TM7SF3: variants seen among roughly 807,000 people sequenced by gnomAD.
The protein encoded by TM7SF3 is transmembrane 7 superfamily member 3.
In TM7SF3, 60 loss-of-function variants were observed where a neutral mutation model predicts 65.5. The observed-to-expected ratio is 0.92, with a 90% CI of 0.74 to 1.14. The LOEUF (loss-of-function observed/expected upper bound fraction) is 1.14, where lower values mean the gene tolerates loss of function less well. TM7SF3 is among the 50% of genes most tolerant of loss of function. The pLI is 0.00. For synonymous variants in TM7SF3, 264 were observed against 259.6 expected, an observed-to-expected ratio of 1.02 and a Z score of -0.16; for missense variants, 623 against 684.8, an observed-to-expected ratio of 0.91 and a Z score of 1.01.
At chr12:27,007,171 C>T (rs1038817145) in intron 1 of TM7SF3, among the ~76,000 whole-genome samples, 31 of 152,120 alleles carry the variant, frequency 2.0e-4, no homozygotes, top group African/African-American at 7.5e-4. Context: ...AGAAATATAC[C>T]TGAATTTCAG....
At chr12:26,974,890 T>C (rs1333660079) in intron 11 of TM7SF3, among the ~76,000 whole-genome samples, 1 of 152,236 alleles carries the variant, frequency 6.6e-6, no homozygotes, top group Non-Finnish European at 1.5e-5. Flanking sequence ...ACAATTGTGC[T>C]TATGCAATAT....
chr12:26,997,887 G>A (rs985675923), intron 3 of TM7SF3, among the ~76,000 whole-genome samples: 2 of 145,662 alleles, frequency 1.4e-5, no homozygotes, highest in Non-Finnish European at 3.0e-5. Flanking sequence ...GTGAAGTGGC[G>A]CAATCTCAGC....
chr12:26,975,755 C>T lies in TM7SF3; in HGVS notation c.1288-97G>A. The T allele has an allele frequency of 2.2e-6, 3 of 1,333,902 alleles. No homozygotes were observed. In the Admixed American group the frequency reaches 7.2e-5, roughly 32 times the overall value. The allele number at this position is 1,333,902 out of a possible 1,614,324, so 82.6% of individuals were successfully genotyped here. On this transcript the variant is annotated intron_variant, in intron 10 of 11. Coordinates refer to ENST00000343028, the MANE Select transcript of TM7SF3 (RefSeq NM_016551.3). Reference sequence around the variant, plus strand: ...TCAATCACAGGCAATCACATCTGCTCCCTCAGGCATGAAAAAGGACCAGAC... The same window carrying T: ...TCAATCACAGGCAATCACATCTGCTTCCTCAGGCATGAAAAAGGACCAGAC...
At chr12:26,987,358 G>A (rs1046567679) in intron 6 of TM7SF3, among the ~76,000 whole-genome samples, 2 of 152,104 alleles carry the variant, frequency 1.3e-5, no homozygotes, top group Non-Finnish European at 2.9e-5. Context: ...CTCAGCGAAT[G>A]GTCGCTCTCT....
intron 6 of TM7SF3, among the ~76,000 whole-genome samples, chr12:26,984,125 GC>G (rs1565870815): frequency 2.0e-5 from 3 of 152,082 alleles, no homozygotes; most frequent in African/African-American, 7.2e-5. Flanking sequence ...AGAATAAGGA[GC>G]CCATAAGAAA....
chr12:26,981,150 C>T (rs924930227), intron 7 of TM7SF3, among the ~76,000 whole-genome samples: 1 of 152,104 alleles, frequency 6.6e-6, no homozygotes, highest in Non-Finnish European at 1.5e-5. Flanking sequence ...CAATCATTAC[C>T]TTCATCCATT....
At chr12:26,977,877 A>G in intron 9 of TM7SF3, 1 of 277,270 alleles carries the variant, frequency 3.6e-6, no homozygotes, top group Non-Finnish European at 7.2e-6. Flanking sequence ...CCGAGGTGGG[A>G]GGACTGCCTG....
chr12:26,995,601 C>A (rs370896168), intron 4 of TM7SF3, among the ~76,000 whole-genome samples, 193 bp from the exon 5 acceptor site: 36 of 152,300 alleles, frequency 2.4e-4, no homozygotes, highest in African/African-American at 8.7e-4. Flanking sequence ...TGTGTCTCCC[C>A]AAAATTAATA....
chr12:26,979,648 T>A lies in TM7SF3; in HGVS notation c.1189+136A>T, dbSNP rs558156642. On this transcript the variant is annotated intron_variant, in intron 9 of 11. Transcript: ENST00000343028. ...CTAGTCCTGGTGCTGTCTGAAAGTG[T>A]CACACCATCAATGCAGATTTCCAGA... 1.1e-5 allele frequency: 10 copies of A among 935,516 alleles called. No homozygotes were observed. In the African/African-American group the frequency reaches 1.7e-4, roughly 15 times the overall value. 58.0% of individuals were successfully genotyped at this position (935,516 alleles called of 1,614,324 possible).
Position 26,975,814 on chromosome 12 carries a change from A to G in TM7SF3, c.1288-156T>C, listed in dbSNP as rs533899654. ...AGCTGAACAGAAGTTCCCTGGAAAG[A>G]TAAACTGAAAACAACCTTCAACATC... On this transcript the variant is annotated intron_variant, in intron 10 of 11. Transcript: ENST00000343028. 338 of 722,872 alleles carry G rather than the reference A, an allele frequency of 4.7e-4. 4 individuals carry two copies. In the African/African-American group the frequency reaches 4.8e-3, roughly 10 times the overall value. 44.8% of individuals were successfully genotyped at this position (722,872 alleles called of 1,614,324 possible). A position where few individuals can be genotyped will look rare whatever the true frequency, so the allele number is the denominator to read the frequency against.
rs571338158 is a variant in TM7SF3 at position 26,994,437 on chromosome 12, C to T, written c.690+800G>A. ...TCTGGGCTCATTGCAACCTCCACCT[C>T]CTGGGTTCAAACAATTCTCCTGCCT... On this transcript the variant is annotated intron_variant, in intron 5 of 11. Coordinates refer to ENST00000343028, the MANE Select transcript of TM7SF3 (RefSeq NM_016551.3). Among the ~76,000 whole-genome samples the T allele has an allele frequency of 2.0e-5, 3 of 152,318 alleles. No individual in the cohort carries two copies. In the South Asian group the frequency reaches 6.2e-4, roughly 32 times the overall value.
At chr12:26,986,917 CTG>C (rs1416146604) in intron 6 of TM7SF3, among the ~76,000 whole-genome samples, 2 of 152,246 alleles carry the variant, frequency 1.3e-5, no homozygotes, top group East Asian at 3.8e-4. Context: ...CCATGCAATA[CTG>C]TCTCCCCTTG....
At position 26,980,575 on chromosome 12, in the gene TM7SF3, T is replaced by C; in HGVS notation, c.1027A>G (p.Lys343Glu). Reference protein sequence around the residue: ...YILITRLTPIKYDVNLILTAV... With the variant: ...YILITRLTPIEYDVNLILTAV... ...TATAATTTTCACTTACCATCATACTTGATAGGTGTCAGTCTTGTAATCAGT... is the reference window on the plus strand; with the variant it reads ...TATAATTTTCACTTACCATCATACTCGATAGGTGTCAGTCTTGTAATCAGT... Residue 343 changes from lysine to glutamate, a missense_variant, in exon 8 of 12, where the codon AAG becomes GAG. By Grantham distance (56) the Lys-to-Glu change is moderately conservative. Transcript: ENST00000343028. 6.7e-7 allele frequency: 1 copy of C among 1,493,360 alleles called. No individual in the cohort carries two copies. Among genetic ancestry groups the C allele is most frequent in the Non-Finnish European group, 9.3e-7 (1 of 1,074,570 alleles). The allele number at this position is 1,493,360 out of a possible 1,614,324, so 92.5% of individuals were successfully genotyped here. A position where few individuals can be genotyped will look rare whatever the true frequency, so the allele number is the denominator to read the frequency against.
At position 26,980,554 on chromosome 12, in the gene TM7SF3, A is replaced by G. The variant is rs1432427797; in HGVS notation, c.1036+12T>C. 3.0e-6 allele frequency: 4 copies of G among 1,343,854 alleles called. No individual in the cohort carries two copies. The highest frequency in any genetic ancestry group is 3.5e-5 in the Admixed American group (2 of 56,548). The allele number at this position is 1,343,854 out of a possible 1,614,324, so 83.2% of individuals were successfully genotyped here. On this transcript the variant is annotated intron_variant, in intron 8 of 11. Coordinates refer to ENST00000343028, the MANE Select transcript of TM7SF3 (RefSeq NM_016551.3). ...CTTGAATACCCAGTTAAACTATATA[A>G]TTTTCACTTACCATCATACTTGATA...
rs1939451312 is a variant in TM7SF3 at position 26,973,749 on chromosome 12, C to A, written c.*216G>T. The stretch of plus-strand genomic sequence containing the variant: ...TCAAGTATTTGGAAATAAGAAAAAG[C>A]CTCCCTACCACCAACCTTTTGGTCA... On this transcript the variant is annotated 3_prime_UTR_variant, in exon 12 of 12. Coordinates refer to ENST00000343028, the MANE Select transcript of TM7SF3 (RefSeq NM_016551.3). 2.1e-6 allele frequency: 1 copy of A among 481,242 alleles called. No homozygotes were observed. Among genetic ancestry groups the A allele is most frequent in the Non-Finnish European group, 3.5e-6 (1 of 288,108 alleles). The allele number at this position is 481,242 out of a possible 1,614,324, so 29.8% of individuals were successfully genotyped here.
At position 26,975,542 on chromosome 12, in the gene TM7SF3, G is replaced by A; in HGVS notation, c.1404C>T (p.Asn468=). 6.2e-7 allele frequency: 1 copy of A among 1,614,150 alleles called. No homozygotes were observed. Among genetic ancestry groups the A allele is most frequent in the African/African-American group, 1.3e-5 (1 of 75,048 alleles). ...TTGTGAAAGCTCTGTGGAAATCCTT[G>A]TTGAGCGCTCTCTTGAGTACGTTCA... is the stretch of plus-strand genomic sequence containing the variant. The part of the protein sequence containing the change: ...ITLNVLKRAL[N]KDFHRAFTNV... The change falls in exon 11 of 12, where the codon AAC becomes AAT. Residue 468 remains asparagine, a synonymous_variant. Coordinates refer to ENST00000343028, the MANE Select transcript of TM7SF3 (RefSeq NM_016551.3).
In TM7SF3 at chr12:26,974,222, T is replaced by G; in HGVS notation, c.1456A>C (p.Ile486Leu). ...TNVPFQTNDF[I>L]ILAVWGMLAV... The stretch of plus-strand genomic sequence containing the variant: ...AGCATGCCCCATACTGCCAGGATAA[T>G]GAAGTCTAAAAAACAGTAGAAAAAG... The change falls in exon 12 of 12, where the codon ATT becomes CTT. Residue 486 changes from isoleucine (I) to leucine (L), a missense_variant. Coordinates refer to ENST00000343028, the MANE Select transcript of TM7SF3 (RefSeq NM_016551.3). The G allele has an allele frequency of 6.2e-7, 1 of 1,613,586 alleles. No homozygotes were observed. The highest frequency in any genetic ancestry group is 8.5e-7 in the Non-Finnish European group (1 of 1,179,768).
At chr12:26,984,346 T>A (rs746315286) in intron 6 of TM7SF3, among the ~76,000 whole-genome samples, 5 of 151,900 alleles carry the variant, frequency 3.3e-5, no homozygotes, top group Non-Finnish European at 5.9e-5. Context: ...GGAGAATTGC[T>A]TGAACCCAGG....
At chr12:27,007,201 C>T (rs1388461530) in intron 1 of TM7SF3, among the ~76,000 whole-genome samples, 1 of 152,208 alleles carries the variant, frequency 6.6e-6, no homozygotes, top group Non-Finnish European at 1.5e-5. Context: ...CAACTTTCAT[C>T]TGTTATTTCC....
Sources: allele counts gnomAD v4.1 joint callset (sites outside exome capture counted in the v4.1 genomes callset), GRCh38; gene constraint gnomAD v4.1.1; transcripts MANE v1.5; gene names NCBI Gene and HGNC (gene_info 2026-07-23, HGNC 2026-07-21).